ATF2: variants seen among roughly 807,000 people sequenced by gnomAD.
ATF2 encodes the protein activating transcription factor 2, also known as cyclic AMP-dependent transcription factor ATF-2.
ATF2 carries 24 observed loss-of-function variants against 60.6 expected under a neutral mutation model. That is an observed-to-expected ratio of 0.40 (90% CI 0.29 to 0.56). ATF2 has a LOEUF of 0.56. Ranked by LOEUF, ATF2 falls within the 20% of genes least tolerant of loss-of-function variation. The pLI, the probability that ATF2 is intolerant of heterozygous loss-of-function variation, is 0.54. For missense variants in ATF2, 433 were observed against 607.7 expected (o/e 0.71, Z 3.02); for synonymous variants, 206 against 215.4 (o/e 0.96, Z 0.38).
intron 2 of ATF2, chr2:175,147,981 C>T (rs1699064848): frequency 6.6e-6 from 1 of 151,924 alleles, no homozygotes; most frequent in South Asian, 2.1e-4. Flanking sequence ...TTCAGGAAAT[C>T]TGTAGAAAGA....
chr2:175,166,360 G>A (rs558403857), intron 1 of ATF2, among the ~76,000 whole-genome samples: 2 of 152,180 alleles, frequency 1.3e-5, no homozygotes, highest in South Asian at 4.1e-4. Flanking sequence ...TACACATCAC[G>A]GTAAATTTGG....
At chr2:175,112,175 C>T (rs1696243874) in intron 9 of ATF2, among the ~76,000 whole-genome samples, 1 of 152,036 alleles carries the variant, frequency 6.6e-6, no homozygotes, top group Non-Finnish European at 1.5e-5. Flanking sequence ...TTAAACCTAA[C>T]ACTGAGTGAA....
intron 2 of ATF2, among the ~76,000 whole-genome samples, chr2:175,148,454 A>G (rs1667658413): frequency 6.6e-6 from 1 of 152,130 alleles, no homozygotes; most frequent in East Asian, 1.9e-4. Context: ...GAAGTGTGGG[A>G]CTGTAAACCA....
intron 1 of ATF2, among the ~76,000 whole-genome samples, chr2:175,157,343 T>C (rs1162566202): frequency 1.3e-5 from 2 of 151,980 alleles, no homozygotes; most frequent in East Asian, 3.9e-4. Context: ...CATGTATCTA[T>C]GCAGTCTATC....
chr2:175,141,030 A>AATATATATATAT lies in ATF2; in HGVS notation c.-43-4556_-43-4545dup, dbSNP rs1553513531. Among the ~76,000 whole-genome samples, 203 of 37,590 alleles carry AATATATATATAT rather than the reference A, an allele frequency of 5.4e-3. 2 individuals are homozygous for AATATATATATAT. The highest frequency in any genetic ancestry group is 6.2e-3 in the Non-Finnish European group (141 of 22,816). 24.7% of individuals were successfully genotyped at this position (37,590 alleles called of 152,430 possible). A position where few individuals can be genotyped will look rare whatever the true frequency, so the allele number is the denominator to read the frequency against. On this transcript the variant is annotated intron_variant, in intron 2 of 13. Coordinates refer to ENST00000264110, the MANE Select transcript of ATF2 (RefSeq NM_001880.4). ...AAAAAAAAAAAAAAAAAAAAAAAAA[A>AATATATATATAT]ATATATATATATATATATATATGTA...
intron 12 of ATF2, among the ~76,000 whole-genome samples, chr2:175,081,561 GAATTT>G (rs1693758546): frequency 6.6e-6 from 1 of 152,124 alleles, no homozygotes; most frequent in African/African-American, 2.4e-5. Flanking sequence ...GAAATAATAT[GAATTT>G]AATAAACTGG....
intron 10 of ATF2, among the ~76,000 whole-genome samples, chr2:175,101,536 G>A (rs1695312860): frequency 6.6e-6 from 1 of 152,058 alleles, no homozygotes; most frequent in African/African-American, 2.4e-5. Context: ...TAAGTCCTTA[G>A]GTAGAAATTA....
At chr2:175,112,181 G>C (rs1696244111) in intron 9 of ATF2, among the ~76,000 whole-genome samples, 3 of 151,988 alleles carry the variant, frequency 2.0e-5, no homozygotes. Context: ...CTAACACTGA[G>C]TGAACACAGT....
At chr2:175,127,364 A>C (rs1697407589) in intron 4 of ATF2, 1 of 154,706 alleles carries the variant, frequency 6.5e-6, no homozygotes, top group Non-Finnish European at 1.5e-5. Context: ...AGCTCTCTTA[A>C]CTTTACAGAA....
chr2:175,097,120 A>G (rs1694984581), intron 11 of ATF2, among the ~76,000 whole-genome samples: 1 of 152,212 alleles, frequency 6.6e-6, no homozygotes, highest in Non-Finnish European at 1.5e-5. Context: ...CAGGAAATAG[A>G]GAGTAAAGGA....
intron 12 of ATF2, among the ~76,000 whole-genome samples, chr2:175,085,576 A>ACT (rs1405704151): frequency 6.6e-6 from 1 of 150,988 alleles, no homozygotes; most frequent in Non-Finnish European, 1.5e-5. Flanking sequence ...ACACACACAC[A>ACT]CACACACACA....
At chr2:175,094,132 C>G (rs1218845545) in intron 11 of ATF2, among the ~76,000 whole-genome samples, 1 of 152,092 alleles carries the variant, frequency 6.6e-6, no homozygotes, top group Non-Finnish European at 1.5e-5. Flanking sequence ...GTGGCTCATG[C>G]CTGTAATCCC....
At chr2:175,098,049 T>C (rs1165608414) in intron 10 of ATF2, among the ~76,000 whole-genome samples, 1 of 152,202 alleles carries the variant, frequency 6.6e-6, no homozygotes, top group African/African-American at 2.4e-5. Flanking sequence ...AAGCAACAAT[T>C]TGAATGAAGC....
intron 4 of ATF2, among the ~76,000 whole-genome samples, chr2:175,129,417 T>C (rs1697575767): frequency 6.6e-6 from 1 of 152,076 alleles, no homozygotes; most frequent in South Asian, 2.1e-4. Flanking sequence ...ACTTATCAAA[T>C]GGTACATTTT....
chr2:175,089,947 TATTA>T (rs1694431764), intron 12 of ATF2, among the ~76,000 whole-genome samples: 1 of 152,188 alleles, frequency 6.6e-6, no homozygotes, highest in African/African-American at 2.4e-5. Flanking sequence ...TAAACCTTTT[TATTA>T]ATAAGAAAGC....
At chr2:175,117,449 A>C (rs1696659913) in intron 7 of ATF2, among the ~76,000 whole-genome samples, 1 of 151,920 alleles carries the variant, frequency 6.6e-6, no homozygotes, top group Non-Finnish European at 1.5e-5. Context: ...TGCTTATTCT[A>C]TGTGCTTGTG....
At chr2:175,114,926 G>C in intron 7 of ATF2, 58 bp from the exon 8 acceptor site, 1 of 1,545,456 alleles carries the variant, frequency 6.5e-7, no homozygotes, top group Admixed American at 1.7e-5. Context: ...ATGTACCTTA[G>C]TGAACAGAAT....
chr2:175,139,581 G>C (rs1208001012), intron 2 of ATF2, among the ~76,000 whole-genome samples: 1 of 151,174 alleles, frequency 6.6e-6, no homozygotes, highest in Non-Finnish European at 1.5e-5. Context: ...GCTGAGGCAG[G>C]AGAATTGCTT....
At chr2:175,095,006 C>A (rs1248789203) in intron 11 of ATF2, among the ~76,000 whole-genome samples, 1 of 152,116 alleles carries the variant, frequency 6.6e-6, no homozygotes, top group Non-Finnish European at 1.5e-5. Flanking sequence ...ATTTTACTTA[C>A]ATAATTGCAA....
Sources: allele counts gnomAD v4.1 joint callset (sites outside exome capture counted in the v4.1 genomes callset), GRCh38; gene constraint gnomAD v4.1.1; transcripts MANE v1.5; gene names NCBI Gene and HGNC (gene_info 2026-07-23, HGNC 2026-07-21).